The following HMGN2 variants were observed in gnomAD, a reference collection of about 807,000 sequenced individuals.
The protein encoded by HMGN2 is high mobility group nucleosomal binding domain 2, also known as non-histone chromosomal protein HMG-17.
Under a neutral mutation model 16.9 loss-of-function variants are expected in HMGN2, and 2 were observed. That is an observed-to-expected ratio of 0.12 (90% CI 0.05 to 0.37). The LOEUF is 0.37. Among genes scored for constraint, HMGN2 ranks in the 10% least tolerant of loss-of-function variants. The pLI, the probability that HMGN2 is intolerant of heterozygous loss-of-function variation, is 1.00. For missense variants in HMGN2, 90 were observed against 106.0 expected (o/e 0.85, Z 0.66); for synonymous variants, 31 against 34.9 (o/e 0.89, Z 0.39).
In HMGN2 at chr1:26,472,499, G is replaced by C; in HGVS notation, c.-114G>C. The C allele has an allele frequency of 7.8e-7, 1 of 1,286,866 alleles. No individual in the cohort carries two copies. Among genetic ancestry groups the C allele is most frequent in the South Asian group, 1.3e-5 (1 of 79,178 alleles). 79.7% of individuals were successfully genotyped at this position (1,286,866 alleles called of 1,614,324 possible). On this transcript the variant is annotated 5_prime_UTR_variant, in exon 1 of 6. Transcript: ENST00000361427. The stretch of plus-strand genomic sequence containing the variant: ...GCTATAAAAACTTTATAAACCCCCC[G>C]GAGCCCGAGCAGTGTGAAGAAGAGG...
At chr1:26,473,293 G>T (rs2075587879) in intron 1 of HMGN2, 190 bp from the exon 2 acceptor site, 1 of 596,830 alleles carries the variant, frequency 1.7e-6, no homozygotes, top group South Asian at 2.0e-5. Flanking sequence ...TCCAGCCCTC[G>T]CTTCTCGGGG....
At chr1:26,472,781 ACCCTGAGCGGCTCGGCTG>A (rs1235090576) in intron 1 of HMGN2, among the ~76,000 whole-genome samples, 154 bp downstream of exon 1, 4 of 151,038 alleles carry the variant, frequency 2.6e-5, no homozygotes, top group Non-Finnish European at 4.4e-5. Flanking sequence ...CTCGGGGCTA[ACCCTGAGCGGCTCGGCTG>A]CCCGCGGGCG....
In HMGN2 at chr1:26,474,086, A is replaced by T; in HGVS notation, c.92A>T (p.Lys31Ile). The change falls in exon 4 of 6, where the codon AAA becomes ATA. Residue 31 changes from lysine to isoleucine, a missense_variant and splice_region_variant. Lys to Ile is a moderately radical substitution (Grantham distance 102). Coordinates refer to ENST00000361427, the MANE Select transcript of HMGN2 (RefSeq NM_005517.4). ...PQRRSARLSA[K>I]PAPPKPEPKP... ...TTCCTCTCTTCCTGCCAAAAAAAGA[A>T]ACCTGCTCCTCCAAAGCCAGAGCCC... 1 of 1,611,342 alleles carries T rather than the reference A, an allele frequency of 6.2e-7. No homozygotes were observed. The highest frequency in any genetic ancestry group is 2.2e-5 in the East Asian group (1 of 44,868).
rs2075577958 is a variant in HMGN2 at position 26,472,637 on chromosome 1, G to A, written c.15+10G>A. ...CATGCCCAAGAGAAAGGTACGTGGC[G>A]CGAGGGCCCCAGGCGCCGGGCCACC... On this transcript the variant is annotated intron_variant, in intron 1 of 5. Coordinates refer to ENST00000361427, the MANE Select transcript of HMGN2 (RefSeq NM_005517.4). 8.5e-6 allele frequency: 13 copies of A among 1,530,840 alleles called. No individual in the cohort carries two copies. Among genetic ancestry groups the A allele is most frequent in the Non-Finnish European group, 1.1e-5 (13 of 1,145,448 alleles). 94.8% of individuals were successfully genotyped at this position (1,530,840 alleles called of 1,614,324 possible).
At chr1:26,473,290 C>G in intron 1 of HMGN2, 193 bp from the exon 2 acceptor site, 2 of 597,522 alleles carry the variant, frequency 3.3e-6, no homozygotes, top group Non-Finnish European at 5.9e-6. Context: ...CGGTCCAGCC[C>G]TCGCTTCTCG....
In HMGN2 at chr1:26,472,548, A is replaced by G. The variant is rs2075576843; in HGVS notation, c.-65A>G. On this transcript the variant is annotated 5_prime_UTR_variant, in exon 1 of 6. Coordinates refer to ENST00000361427, the MANE Select transcript of HMGN2 (RefSeq NM_005517.4). ...GGCGAGAACGACCCCCGGACCGACCAAAGCCCGCGCGCCGCTGCATCCCGC... is the reference window on the plus strand; with the variant it reads ...GGCGAGAACGACCCCCGGACCGACCGAAGCCCGCGCGCCGCTGCATCCCGC... 3 of 1,531,518 alleles carry G rather than the reference A, an allele frequency of 2.0e-6. No individual in the cohort carries two copies. The highest frequency in any genetic ancestry group is 2.6e-6 in the Non-Finnish European group (3 of 1,145,484). 94.9% of individuals were successfully genotyped at this position (1,531,518 alleles called of 1,614,324 possible).
Position 26,473,534 on chromosome 1 carries a change from C to G in HMGN2, c.60+7C>G, listed in dbSNP as rs534124624. Reference sequence around the variant, plus strand: ...AGCAAAGGTGAAGGACGAAGTAAGTCATTCTCTCTTCAAGGGTCAAAGCCT... The same window carrying G: ...AGCAAAGGTGAAGGACGAAGTAAGTGATTCTCTCTTCAAGGGTCAAAGCCT... On this transcript the variant is annotated splice_region_variant and intron_variant, in intron 2 of 5. Coordinates refer to ENST00000361427, the MANE Select transcript of HMGN2 (RefSeq NM_005517.4). 1 of 1,610,152 alleles carries G rather than the reference C, an allele frequency of 6.2e-7. No individual in the cohort carries two copies. The highest frequency in any genetic ancestry group is 2.2e-5 in the East Asian group (1 of 44,862).
In HMGN2 at chr1:26,476,032, C is replaced by A. The variant is rs977182516; in HGVS notation, c.*884C>A. 3.6e-6 allele frequency: 1 copy of A among 278,726 alleles called. No individual in the cohort carries two copies. The highest frequency in any genetic ancestry group is 3.3e-5 in the South Asian group (1 of 30,466). The allele number at this position is 278,726 out of a possible 1,614,324, so 17.3% of individuals were successfully genotyped here. A position where few individuals can be genotyped will look rare whatever the true frequency, so the allele number is the denominator to read the frequency against. ...CCTGGTTTATCCAAGTCTCTTGGAACAGGGTACGTTCTGCTTTGAGGTACT... is the reference window on the plus strand; with the variant it reads ...CCTGGTTTATCCAAGTCTCTTGGAAAAGGGTACGTTCTGCTTTGAGGTACT... On this transcript the variant is annotated 3_prime_UTR_variant, in exon 6 of 6. Transcript: ENST00000361427.
rs1022340376 is a variant in HMGN2 at position 26,476,000 on chromosome 1, G to A, written c.*852G>A. On this transcript the variant is annotated 3_prime_UTR_variant, in exon 6 of 6. Transcript: ENST00000361427. ...CTGCCTCTGATCTTTTCCCACAAGTGGGGTAACCTGGTTTATCCAAGTCTC... is the reference window on the plus strand; with the variant it reads ...CTGCCTCTGATCTTTTCCCACAAGTAGGGTAACCTGGTTTATCCAAGTCTC... The A allele has an allele frequency of 3.4e-6, 1 of 294,082 alleles. No individual in the cohort carries two copies. Among genetic ancestry groups the A allele is most frequent in the African/African-American group, 2.3e-5 (1 of 44,314 alleles). 18.2% of individuals were successfully genotyped at this position (294,082 alleles called of 1,614,324 possible).
At chr1:26,473,891 C>T in intron 3 of HMGN2, 159 bp downstream of exon 3, 1 of 829,514 alleles carries the variant, frequency 1.2e-6, no homozygotes, top group Non-Finnish European at 1.9e-6. Flanking sequence ...TTCTGAAATT[C>T]TGATGCCTGT....
At chr1:26,473,288 C>A in intron 1 of HMGN2, 195 bp from the exon 2 acceptor site, 4 of 596,564 alleles carry the variant, frequency 6.7e-6, no homozygotes, top group Non-Finnish European at 1.2e-5. Flanking sequence ...TCCGGTCCAG[C>A]CCTCGCTTCT....
At position 26,473,516 on chromosome 1, in the gene HMGN2, G is replaced by C. The variant is rs1304606285; in HGVS notation, c.49G>C (p.Val17Leu). Residue 17 changes from valine (V) to leucine (L), a missense_variant, in exon 2 of 6, where the codon GTG becomes CTG. Transcript: ENST00000361427. ...EGDAKGDKAK[V>L]KDEPQRRSAR... ...GGATGCTAAGGGAGATAAAGCAAAG[G>C]TGAAGGACGAAGTAAGTCATTCTCT... The C allele has an allele frequency of 6.2e-7, 1 of 1,613,294 alleles. No individual in the cohort carries two copies.
chr1:26,473,416 T>G, intron 1 of HMGN2, 67 bp from the exon 2 acceptor site: 1 of 1,161,698 alleles, frequency 8.6e-7, no homozygotes, highest in Non-Finnish European at 1.3e-6. Context: ...TTTTTAGCAC[T>G]CTAAAGTTTG....
chr1:26,475,032 C>T, intron 5 of HMGN2, 81 bp from the exon 6 acceptor site: 1 of 1,172,730 alleles, frequency 8.5e-7, no homozygotes, highest in Non-Finnish European at 1.3e-6. Context: ...GGCCTGGGAG[C>T]AAAGTGATGC....
chr1:26,474,474 A>T (rs1240342223), intron 4 of HMGN2, 98 bp from the exon 5 acceptor site: 3 of 689,388 alleles, frequency 4.4e-6, no homozygotes, highest in Non-Finnish European at 7.9e-6. Flanking sequence ...TTTGTGTTTT[A>T]TCTTGAGTAA....
intron 1 of HMGN2, 56 bp downstream of exon 1, chr1:26,472,683 CGCCTCCCTGGTGCAGGGA>C: frequency 6.8e-7 from 1 of 1,465,826 alleles, no homozygotes; most frequent in Non-Finnish European, 9.1e-7. Flanking sequence ...CCGCCGCCGC[CGCCTCCCTGGTGCAGGGA>C]GCGAGAATCG....
chr1:26,474,032 C>T, intron 3 of HMGN2, 53 bp from the exon 4 acceptor site: 1 of 1,481,728 alleles, frequency 6.7e-7, no homozygotes, highest in Non-Finnish European at 9.3e-7. Flanking sequence ...GGGTGGTTTT[C>T]TTCAGTCCAT....
At chr1:26,473,215 A>AT (rs1056774750) in intron 1 of HMGN2, 1 of 480,534 alleles carries the variant, frequency 2.1e-6, no homozygotes, top group African/African-American at 2.0e-5. Flanking sequence ...TGTTTGCGCC[A>AT]TCTGCAGCTG....
intron 4 of HMGN2, among the ~76,000 whole-genome samples, 156 bp downstream of exon 4, chr1:26,474,291 C>A (rs932664216): frequency 6.6e-6 from 1 of 152,178 alleles, no homozygotes; most frequent in African/African-American, 2.4e-5. Context: ...GTTTCCTGAT[C>A]AAGAATTCTG....
Sources: gnomAD v4.1 joint callset for allele counts (sites outside exome capture counted in the v4.1 genomes callset) on GRCh38, gnomAD v4.1.1 for gene constraint, MANE v1.5 for transcripts, NCBI Gene and HGNC (gene_info 2026-07-23, HGNC 2026-07-21) for gene names.